The following FYB2 variants were observed in gnomAD, a reference collection of about 807,000 sequenced individuals.
FYB2 encodes FYN-binding protein 2.
FYB2 carries 103 observed loss-of-function variants against 94.1 expected under a neutral mutation model. The ratio of observed to expected loss-of-function variants is 1.09; its 90% confidence interval spans 0.93 to 1.29. FYB2 has a LOEUF of 1.29. FYB2 is among the 50% of genes most tolerant of loss of function. The pLI is 0.00. For missense variants in FYB2, 896 were observed against 841.5 expected (o/e 1.06, Z -0.80); for synonymous variants, 293 against 287.9 (o/e 1.02, Z -0.18).
intron 15 of FYB2, among the ~76,000 whole-genome samples, chr1:56,730,539 G>A (rs1055531569): frequency 1.3e-5 from 2 of 151,912 alleles, no homozygotes; most frequent in African/African-American, 4.8e-5. Flanking sequence ...AAACCTGGAG[G>A]AAATAGCTAA....
intron 5 of FYB2, among the ~76,000 whole-genome samples, chr1:56,762,752 A>C (rs1645528736): frequency 6.6e-6 from 1 of 152,148 alleles, no homozygotes; most frequent in Non-Finnish European, 1.5e-5. Flanking sequence ...TTATTGCACT[A>C]GCTAGAACGT....
At chr1:56,791,845 A>G (rs1646273261) in intron 2 of FYB2, among the ~76,000 whole-genome samples, 1 of 152,190 alleles carries the variant, frequency 6.6e-6, no homozygotes, top group African/African-American at 2.4e-5. Context: ...AGTTTTTCCA[A>G]AAGCTATCTC....
chr1:56,771,683 A>G (rs1217633019), intron 4 of FYB2, among the ~76,000 whole-genome samples: 1 of 152,202 alleles, frequency 6.6e-6, no homozygotes, highest in Non-Finnish European at 1.5e-5. Context: ...ACTACATCAC[A>G]GCACATGTGG....
At chr1:56,801,869 T>C (rs1347020352) in intron 1 of FYB2, among the ~76,000 whole-genome samples, 1 of 152,224 alleles carries the variant, frequency 6.6e-6, no homozygotes, top group Non-Finnish European at 1.5e-5. Flanking sequence ...AGGCATGAAA[T>C]GTGCCTAGAA....
intron 4 of FYB2, among the ~76,000 whole-genome samples, chr1:56,785,590 G>T (rs751160832): frequency 1.5e-4 from 23 of 152,136 alleles, no homozygotes; most frequent in Non-Finnish European, 3.2e-4. Context: ...GAATAAGATT[G>T]TCTTATCAAT....
At position 56,761,130 on chromosome 1, in the gene FYB2, G is replaced by T. The variant is rs181424269; in HGVS notation, c.1064-2380C>A. Among the ~76,000 whole-genome samples, 59 of 152,238 alleles carry T rather than the reference G, an allele frequency of 3.9e-4. No homozygotes were observed. The East Asian group carries it at 8.3e-3, about 21-fold the overall frequency. On this transcript the variant is annotated intron_variant, in intron 5 of 19. Coordinates refer to ENST00000343433, the MANE Select transcript of FYB2 (RefSeq NM_001004303.5). ...CACGGTCATGTCTTGGAGGCCTTTT[G>T]TTCCTTCTCCTCATCCTGTCTGTAT...
intron 1 of FYB2, among the ~76,000 whole-genome samples, chr1:56,811,591 G>T (rs1646767866): frequency 6.6e-6 from 1 of 152,170 alleles, no homozygotes; most frequent in African/African-American, 2.4e-5. Context: ...ACAAGACAGG[G>T]TTGTCACAGC....
chr1:56,807,464 C>T (rs1428192248), intron 1 of FYB2, among the ~76,000 whole-genome samples: 1 of 152,144 alleles, frequency 6.6e-6, no homozygotes, highest in African/African-American at 2.4e-5. Context: ...TAAAGGAGCC[C>T]CTGTCTGGTT....
chr1:56,765,302 T>C (rs1645595658), intron 5 of FYB2, among the ~76,000 whole-genome samples: 1 of 152,110 alleles, frequency 6.6e-6, no homozygotes, highest in South Asian at 2.1e-4. Context: ...TCCTTTGAGG[T>C]AGGGAGAAGG....
intron 1 of FYB2, among the ~76,000 whole-genome samples, chr1:56,808,354 G>T (rs75923649): frequency 7.2e-5 from 11 of 152,096 alleles, no homozygotes; most frequent in African/African-American, 2.7e-4. Flanking sequence ...TGCAACTAAA[G>T]GGTGTTTGAA....
chr1:56,738,820 A>T (rs147922158), intron 13 of FYB2, among the ~76,000 whole-genome samples, 167 bp from the exon 14 acceptor site: 2 of 152,144 alleles, frequency 1.3e-5, no homozygotes, highest in Non-Finnish European at 2.9e-5. Context: ...AGATGTCACA[A>T]GATGTGCACA....
intron 1 of FYB2, among the ~76,000 whole-genome samples, chr1:56,806,751 CA>C (rs898851951): frequency 5.3e-4 from 75 of 140,390 alleles, no homozygotes; most frequent in Non-Finnish European, 8.4e-4. Context: ...CAGCCAAAAC[CA>C]AAAAATGCTA....
At chr1:56,769,888 T>C (rs1645714668) in intron 4 of FYB2, among the ~76,000 whole-genome samples, 1 of 151,988 alleles carries the variant, frequency 6.6e-6, no homozygotes. Context: ...ATAAAGAGTA[T>C]CTGAATTGAT....
At position 56,792,616 on chromosome 1, in the gene FYB2, C is replaced by T. The variant is rs761710137; in HGVS notation, c.197G>A (p.Cys66Tyr). The T allele has an allele frequency of 6.2e-7, 1 of 1,614,070 alleles. No individual in the cohort carries two copies. Among genetic ancestry groups the T allele is most frequent in the East Asian group, 2.2e-5 (1 of 44,854 alleles). ...AAGAGGCTGGGACTCACTACTGGAA[C>T]AGTATGGTGTGCGCTGCTTGTGGTT... Reference protein sequence around the residue: ...SSNHKQRTPYCSSSESQPLQP... With the variant: ...SSNHKQRTPYYSSSESQPLQP... The change falls in exon 2 of 20, where the codon TGT (cysteine) becomes TAT (tyrosine). Residue 66 changes from cysteine (C) to tyrosine (Y), a missense_variant. Transcript: ENST00000343433.
At chr1:56,820,179 C>G (rs1014769033), upstream of FYB2, among the ~76,000 whole-genome samples, 3 of 148,148 alleles carry the variant, frequency 2.0e-5, no homozygotes, top group Admixed American at 1.4e-4. Context: ...TGCAGTGAGC[C>G]GAGATCATGC....
intron 15 of FYB2, among the ~76,000 whole-genome samples, chr1:56,729,693 A>T (rs1470336260): frequency 2.0e-5 from 3 of 152,100 alleles, no homozygotes; most frequent in East Asian, 3.9e-4. Flanking sequence ...CTTAATAGAC[A>T]TCTACAGAAC....
At chr1:56,770,869 A>C (rs1037846392) in intron 4 of FYB2, among the ~76,000 whole-genome samples, 2 of 152,180 alleles carry the variant, frequency 1.3e-5, no homozygotes, top group Admixed American at 1.3e-4. Context: ...ATAGCTTATA[A>C]AGGTAAACTC....
chr1:56,779,413 A>G (rs1046002746), intron 4 of FYB2, among the ~76,000 whole-genome samples: 8 of 152,152 alleles, frequency 5.3e-5, no homozygotes, highest in Middle Eastern at 3.2e-3. Flanking sequence ...ACGCTAGACC[A>G]AGAAGGAGCA....
At chr1:56,737,604 G>A (rs1644858213) in intron 14 of FYB2, 1 of 152,676 alleles carries the variant, frequency 6.5e-6, no homozygotes. Flanking sequence ...CAAATCATTG[G>A]CAATTGCTCC....
Sources: allele counts gnomAD v4.1 joint callset (sites outside exome capture counted in the v4.1 genomes callset), GRCh38; gene constraint gnomAD v4.1.1; transcripts MANE v1.5; gene names NCBI Gene and HGNC (gene_info 2026-07-23, HGNC 2026-07-21).